The following ANKS1B variants were observed in gnomAD, a reference collection of about 807,000 sequenced individuals.
ANKS1B encodes the protein ankyrin repeat and sterile alpha motif domain-containing protein 1B.
A neutral mutation model predicts 148.3 loss-of-function variants in ANKS1B; 36 were observed. That is an observed-to-expected ratio of 0.24 (90% CI 0.19 to 0.32). The LOEUF is 0.32. Among genes scored for constraint, ANKS1B ranks in the 10% least tolerant of loss-of-function variants. The pLI is 1.00. For missense variants in ANKS1B, 1,157 were observed against 1,542.6 expected (o/e 0.75, Z 4.19); for synonymous variants, 542 against 560.8 (o/e 0.97, Z 0.47).
intron 9 of ANKS1B, among the ~76,000 whole-genome samples, chr12:99,544,705 C>T (rs182241600): frequency 2.6e-5 from 4 of 152,204 alleles, no homozygotes; most frequent in Non-Finnish European, 5.9e-5. Context: ...AGCAATTGTT[C>T]CCAACCTTAG....
chr12:99,111,426 T>G (rs2060259910), intron 15 of ANKS1B, among the ~76,000 whole-genome samples: 1 of 152,194 alleles, frequency 6.6e-6, no homozygotes. Flanking sequence ...TAGCTTTCTA[T>G]TTTGGCTTTG....
chr12:98,995,869 G>C (rs773246237), intron 17 of ANKS1B, among the ~76,000 whole-genome samples: 6 of 152,184 alleles, frequency 3.9e-5, no homozygotes, highest in Non-Finnish European at 8.8e-5. Flanking sequence ...TGCAATCAGA[G>C]TACAGGGAAG....
At chr12:98,970,455 A>G (rs1388638091) in intron 17 of ANKS1B, among the ~76,000 whole-genome samples, 1 of 152,206 alleles carries the variant, frequency 6.6e-6, no homozygotes, top group East Asian at 1.9e-4. Flanking sequence ...TTCAATCAAT[A>G]TCTGTTCAGT....
chr12:99,167,188 A>G (rs780223565), intron 14 of ANKS1B, among the ~76,000 whole-genome samples: 6 of 151,784 alleles, frequency 4.0e-5, no homozygotes, highest in Non-Finnish European at 8.8e-5. Flanking sequence ...ACTTAGGGAA[A>G]GTCTTAACCT....
At chr12:99,029,589 T>C (rs570303151) in intron 17 of ANKS1B, among the ~76,000 whole-genome samples, 7 of 152,290 alleles carry the variant, frequency 4.6e-5, no homozygotes, top group African/African-American at 1.7e-4. Context: ...AGCAGGTTGA[T>C]CAATAAAACA....
chr12:99,126,991 A>T (rs927849206), intron 15 of ANKS1B, among the ~76,000 whole-genome samples: 1 of 152,216 alleles, frequency 6.6e-6, no homozygotes. Flanking sequence ...ATTTAAAAAA[A>T]ACTAACCTTG....
At position 99,292,596 on chromosome 12, in the gene ANKS1B, C is replaced by G. The variant is rs544079458; in HGVS notation, c.1757-45732G>C. ...AATGGGAGAAAATTTTCACAATCTA[C>G]CCATCTGACAAAGGGCTAATATCCA... On this transcript the variant is annotated intron_variant, in intron 12 of 26. Coordinates refer to ENST00000683438, the MANE Select transcript of ANKS1B (RefSeq NM_001352186.2). 1.0e-3 allele frequency among the ~76,000 whole-genome samples: 157 copies of G among 150,838 alleles called. 5 individuals are homozygous for G. The South Asian group carries it at 0.032, about 31-fold the overall frequency.
chr12:99,471,382 T>TA (rs559928509), intron 10 of ANKS1B, among the ~76,000 whole-genome samples: 373 of 150,520 alleles, frequency 2.5e-3, no homozygotes, highest in Non-Finnish European at 4.1e-3. Context: ...GAGTCCTGTT[T>TA]AAAAAAAAAA....
intron 24 of ANKS1B, among the ~76,000 whole-genome samples, chr12:98,779,926 T>C (rs1017570819): frequency 2.6e-5 from 4 of 152,246 alleles, no homozygotes; most frequent in African/African-American, 4.8e-5. Context: ...TGCCTGGGTT[T>C]CAGAACTTTT....
At chr12:99,446,874 T>C (rs534053741) in intron 10 of ANKS1B, among the ~76,000 whole-genome samples, 23 of 152,168 alleles carry the variant, frequency 1.5e-4, no homozygotes, top group Admixed American at 1.2e-3. Context: ...CTGGAAGATA[T>C]GTTAAGACTA....
At chr12:98,931,714 T>G (rs1349310909) in intron 17 of ANKS1B, 2 of 152,228 alleles carry the variant, frequency 1.3e-5, no homozygotes, top group Admixed American at 6.5e-5. Flanking sequence ...TTGTTAATAC[T>G]GCTGTCTCAG....
chr12:99,304,522 A>C (rs1432402473), intron 12 of ANKS1B, among the ~76,000 whole-genome samples: 1 of 152,058 alleles, frequency 6.6e-6, no homozygotes, highest in Non-Finnish European at 1.5e-5. Context: ...GTGAGTTAGG[A>C]GGTGAAACTC....
At chr12:98,982,893 A>C (rs1208950179) in intron 17 of ANKS1B, among the ~76,000 whole-genome samples, 1 of 152,206 alleles carries the variant, frequency 6.6e-6, no homozygotes, top group African/African-American at 2.4e-5. Context: ...GATTATATAC[A>C]TAGGTGATGA....
intron 15 of ANKS1B, chr12:99,104,783 C>T (rs575647889): frequency 6.6e-6 from 1 of 152,238 alleles, no homozygotes; most frequent in Non-Finnish European, 1.5e-5. Context: ...CTCACTTTGA[C>T]CTTCCTAGTT....
At chr12:99,247,087 T>C (rs1253712859) in intron 12 of ANKS1B, among the ~76,000 whole-genome samples, 2 of 152,372 alleles carry the variant, frequency 1.3e-5, no homozygotes, top group South Asian at 2.1e-4. Context: ...CTTTCTGATA[T>C]ACCTTAGAGT....
At chr12:99,492,828 G>T (rs1266212179) in intron 10 of ANKS1B, among the ~76,000 whole-genome samples, 1 of 152,052 alleles carries the variant, frequency 6.6e-6, no homozygotes, top group Non-Finnish European at 1.5e-5. Context: ...ATGCAGAAAA[G>T]GCTTTCAATA....
chr12:99,688,346 G>A (rs1021176351), intron 8 of ANKS1B, among the ~76,000 whole-genome samples: 1 of 152,184 alleles, frequency 6.6e-6, no homozygotes, highest in African/African-American at 2.4e-5. Flanking sequence ...ACACATAGGT[G>A]GGTAATTGTA....
chr12:99,584,929 T>C (rs2097613648), intron 9 of ANKS1B, among the ~76,000 whole-genome samples: 1 of 152,094 alleles, frequency 6.6e-6, no homozygotes, highest in Non-Finnish European at 1.5e-5. Flanking sequence ...CAATTCAAGA[T>C]GAGATTTGGG....
chr12:99,388,042 A>G (rs566592425), intron 12 of ANKS1B, among the ~76,000 whole-genome samples: 1 of 152,284 alleles, frequency 6.6e-6, no homozygotes, highest in South Asian at 2.1e-4. Context: ...ATGCTAAGAC[A>G]TTTGGATATT....
Sources: allele counts gnomAD v4.1 joint callset (sites outside exome capture counted in the v4.1 genomes callset), GRCh38; gene constraint gnomAD v4.1.1; transcripts MANE v1.5; gene names NCBI Gene and HGNC (gene_info 2026-07-23, HGNC 2026-07-21).